The following CBLL1 variants were observed in gnomAD, a reference collection of about 807,000 sequenced individuals.
The protein encoded by CBLL1 is E3 ubiquitin-protein ligase Hakai.
A neutral mutation model predicts 44.9 loss-of-function variants in CBLL1; 4 were observed. That is an observed-to-expected ratio of 0.09 (90% CI 0.04 to 0.20). The LOEUF is 0.20. Among genes scored for constraint, CBLL1 ranks in the 10% least tolerant of loss-of-function variants. The pLI is 1.00. For synonymous variants in CBLL1, 235 were observed against 202.2 expected (o/e 1.16, Z -1.38); for missense variants, 569 against 636.7 (o/e 0.89, Z 1.14).
chr7:107,744,655 A>G (rs781013598), intron 1 of CBLL1: 42 of 164,194 alleles, frequency 2.6e-4, no homozygotes, highest in Admixed American at 1.7e-3. Context: ...CGTCTCTCCG[A>G]TCCTTTATGG....
At chr7:107,744,387 C>G (rs1792898544) in intron 1 of CBLL1, 1 of 546,250 alleles carries the variant, frequency 1.8e-6, no homozygotes, top group Non-Finnish European at 3.1e-6. Context: ...TCCGTGCCGG[C>G]AACAACCGCT....
intron 3 of CBLL1, 87 bp from the exon 4 acceptor site, chr7:107,753,808 C>G: frequency 1.2e-6 from 1 of 824,260 alleles, no homozygotes; most frequent in Non-Finnish European, 1.8e-6. Flanking sequence ...GTTTTAACAA[C>G]TTTTATAAAA....
At chr7:107,753,811 T>C (rs1191164624) in intron 3 of CBLL1, 84 bp from the exon 4 acceptor site, 4 of 837,016 alleles carry the variant, frequency 4.8e-6, no homozygotes, top group African/African-American at 1.8e-5. Flanking sequence ...TTAACAACTT[T>C]TATAAAATAT....
chr7:107,758,842 TCCA>T lies in CBLL1; in HGVS notation c.1147_1149del (p.Pro383del). The T allele has an allele frequency of 6.2e-7, 1 of 1,613,788 alleles. No homozygotes were observed. Among genetic ancestry groups the T allele is most frequent in the Non-Finnish European group, 8.5e-7 (1 of 1,179,948 alleles). Reference sequence around the variant, plus strand: ...CTCCACCTCCACCAATGACCTCTGCTCCACCACCAATAACCCCTCCCCCTGGAC... The same window carrying T: ...CTCCACCTCCACCAATGACCTCTGCTCCACCAATAACCCCTCCCCCTGGAC... On this transcript the variant is annotated inframe_deletion, in exon 6 of 6. Transcript: ENST00000440859. This position sits in a 1 kb window ranked among gnomAD's most constrained non-coding sequence, Gnocchi z 4.2.
At chr7:107,746,571 T>C (rs1793029641) in intron 1 of CBLL1, among the ~76,000 whole-genome samples, 1 of 152,222 alleles carries the variant, frequency 6.6e-6, no homozygotes, top group Non-Finnish European at 1.5e-5. Context: ...ACAAAGGCTT[T>C]GACAAATGAG....
At chr7:107,754,977 T>G (rs934373641) in intron 4 of CBLL1, among the ~76,000 whole-genome samples, 1 of 151,920 alleles carries the variant, frequency 6.6e-6, no homozygotes, top group African/African-American at 2.4e-5. Context: ...AATAAAATAA[T>G]TAGCCTGCTG....
chr7:107,758,385 A>G lies in CBLL1; in HGVS notation c.683A>G (p.His228Arg). 6.2e-7 allele frequency: 1 copy of G among 1,614,144 alleles called. No homozygotes were observed. Among genetic ancestry groups the G allele is most frequent in the Non-Finnish European group, 8.5e-7 (1 of 1,180,024 alleles). The stretch of plus-strand genomic sequence containing the variant: ...TTTATAATGCCACCAGACAAGCACC[A>G]TATGAGCCATATTCCGCCAAAGCAG... The part of the protein sequence containing the change: ...ERFIMPPDKH[H>R]MSHIPPKQHI... The change falls in exon 6 of 6, where the codon CAT becomes CGT. Residue 228 changes from histidine to arginine, a missense_variant. His to Arg is a conservative substitution (Grantham distance 29). Coordinates refer to ENST00000440859, the MANE Select transcript of CBLL1 (RefSeq NM_024814.4). The surrounding 1 kb of genome is among the most constrained non-coding windows in gnomAD (Gnocchi z 4.2).
At chr7:107,757,673 T>C (rs953432246) in intron 5 of CBLL1, among the ~76,000 whole-genome samples, 2 of 152,218 alleles carry the variant, frequency 1.3e-5, no homozygotes, top group South Asian at 2.1e-4. Context: ...AGGCTGATGT[T>C]ACTTGTTGTA....
Position 107,759,147 on chromosome 7 carries a change from A to G in CBLL1, c.1445A>G (p.Asp482Gly), listed in dbSNP as rs1248524099. The change falls in exon 6 of 6, where the codon GAT (aspartate) becomes GGT (glycine). Residue 482 changes from aspartate to glycine, a missense_variant. By Grantham distance (94) the Asp-to-Gly change is moderately conservative. Coordinates refer to ENST00000440859, the MANE Select transcript of CBLL1 (RefSeq NM_024814.4). ...QTPLPGPHHP[D>G]QTRYRPYYQ Reference sequence around the variant, plus strand: ...CCACTTCCTGGACCACATCATCCAGATCAGACAAGATATAGACCGTATTAC... The same window carrying G: ...CCACTTCCTGGACCACATCATCCAGGTCAGACAAGATATAGACCGTATTAC... The G allele has an allele frequency of 6.2e-7, 1 of 1,613,110 alleles. No individual in the cohort carries two copies. The highest frequency in any genetic ancestry group is 8.5e-7 in the Non-Finnish European group (1 of 1,179,640).
In CBLL1 at chr7:107,758,068, A is replaced by C; in HGVS notation, c.441-75A>C. 2 of 1,328,182 alleles carry C rather than the reference A, an allele frequency of 1.5e-6. No individual in the cohort carries two copies. Among genetic ancestry groups the C allele is most frequent in the South Asian group, 1.5e-5 (1 of 66,724 alleles). The allele number at this position is 1,328,182 out of a possible 1,614,324, so 82.3% of individuals were successfully genotyped here. ...TATGTAACAGTCAAATTTTAAAAAC[A>C]AGCATATTTTTGAAAATTACATAAT... On this transcript the variant is annotated intron_variant, in intron 5 of 5. Coordinates refer to ENST00000440859, the MANE Select transcript of CBLL1 (RefSeq NM_024814.4). This position sits in a 1 kb window ranked among gnomAD's most constrained non-coding sequence, Gnocchi z 4.2.
chr7:107,755,896 A>AT (rs779375960), intron 5 of CBLL1, among the ~76,000 whole-genome samples: 1 of 152,138 alleles, frequency 6.6e-6, no homozygotes, highest in South Asian at 2.1e-4. Context: ...AATGAGACTG[A>AT]TAATAGTACC....
At chr7:107,746,110 A>T (rs906175548) in intron 1 of CBLL1, among the ~76,000 whole-genome samples, 5 of 152,224 alleles carry the variant, frequency 3.3e-5, no homozygotes, top group Non-Finnish European at 7.3e-5. Context: ...TATAGAGTTG[A>T]AACTGGGATT....
At chr7:107,755,316 C>T (rs1174398447) in intron 4 of CBLL1, 102 bp from the exon 5 acceptor site, 4 of 425,152 alleles carry the variant, frequency 9.4e-6, no homozygotes, top group Middle Eastern at 7.0e-4. Flanking sequence ...AACAGGTATT[C>T]TCAAGTGTCT....
chr7:107,753,043 T>C (rs1280987377), intron 2 of CBLL1, among the ~76,000 whole-genome samples: 1 of 152,216 alleles, frequency 6.6e-6, no homozygotes, highest in Non-Finnish European at 1.5e-5. Flanking sequence ...TCTTAAAAAT[T>C]TGTGCAACAA....
In CBLL1 at chr7:107,758,694, CTCA is replaced by C; in HGVS notation, c.997_999del (p.His333del). 6.2e-7 allele frequency: 1 copy of C among 1,613,978 alleles called. No homozygotes were observed. Among genetic ancestry groups the C allele is most frequent in the Non-Finnish European group, 8.5e-7 (1 of 1,179,998 alleles). ...CAGGGTCAACCAGTGGTATCGCACC[CTCA>C]TCATATTATGCCTCCACAGCAACAT... On this transcript the variant is annotated inframe_deletion, in exon 6 of 6. Coordinates refer to ENST00000440859, the MANE Select transcript of CBLL1 (RefSeq NM_024814.4). This position sits in a 1 kb window ranked among gnomAD's most constrained non-coding sequence, Gnocchi z 4.2.
intron 2 of CBLL1, among the ~76,000 whole-genome samples, chr7:107,751,693 A>G (rs1272936933): frequency 6.6e-6 from 1 of 152,164 alleles, no homozygotes; most frequent in African/African-American, 2.4e-5. Context: ...TAATTCTTTA[A>G]TAGTTCAAAC....
intron 4 of CBLL1, among the ~76,000 whole-genome samples, chr7:107,754,442 C>A (rs922635671): frequency 2.0e-5 from 3 of 151,624 alleles, no homozygotes; most frequent in African/African-American, 2.4e-5. Context: ...AAAAATTTTA[C>A]AATCCTAACT....
chr7:107,749,504 C>T (rs906499259), intron 2 of CBLL1, among the ~76,000 whole-genome samples: 44 of 151,498 alleles, frequency 2.9e-4, no homozygotes, highest in African/African-American at 9.9e-4. Context: ...ACAGTTTTTC[C>T]AGTTTTTTCT....
chr7:107,747,173 C>G (rs1014911731), intron 1 of CBLL1, among the ~76,000 whole-genome samples: 3 of 152,172 alleles, frequency 2.0e-5, no homozygotes, highest in African/African-American at 7.2e-5. Flanking sequence ...TTATTAAATG[C>G]TGTACCTCAT....
Sources: gnomAD v4.1 joint callset for allele counts (sites outside exome capture counted in the v4.1 genomes callset) on GRCh38, gnomAD v4.1.1 for gene constraint, Gnocchi (gnomAD v3.1) non-coding constraint, MANE v1.5 for transcripts, NCBI Gene and HGNC (gene_info 2026-07-23, HGNC 2026-07-21) for gene names.